The following POC5 variants were observed in gnomAD, a reference collection of about 807,000 sequenced individuals.
POC5 encodes the protein centrosomal protein POC5.
POC5 carries 48 observed loss-of-function variants against 62.9 expected under a neutral mutation model. The observed-to-expected ratio is 0.76, with a 90% CI of 0.61 to 0.97. The LOEUF is 0.97. Ranked by LOEUF, POC5 falls within the 50% of genes least tolerant of loss-of-function variation. The probability of loss-of-function intolerance (pLI) is 0.00; values close to 1 mark genes in which losing one functional copy is unlikely to be tolerated. For missense variants in POC5, 696 were observed against 679.5 expected, an observed-to-expected ratio of 1.02 and a Z score of -0.27; for synonymous variants, 236 against 228.2, an observed-to-expected ratio of 1.03 and a Z score of -0.31.
At chr5:75,714,592 G>A (rs1167641339) in intron 1 of POC5, among the ~76,000 whole-genome samples, 3 of 152,170 alleles carry the variant, frequency 2.0e-5, no homozygotes, top group African/African-American at 7.2e-5. Flanking sequence ...AGAACTGTTG[G>A]TGGCTTCCAG....
In POC5 at chr5:75,690,490, A is replaced by C. The variant is rs1442650452; in HGVS notation, c.868T>G (p.Ser290Ala). ...TCTTTCCACTGCTTTTGCACTACGG[A>C]ACGCCAGACTTTCCAGACTTTCTTC... ...LLKKVWKVWR[S>A]VVQKQWKDVV... The change falls in exon 8 of 12, where the codon TCC becomes GCC. Residue 290 changes from serine (S) to alanine (A), a missense_variant. Physicochemically the swap from Ser to Ala is moderately conservative, Grantham distance 99. Coordinates refer to ENST00000428202, the MANE Select transcript of POC5 (RefSeq NM_001099271.2). 1 of 1,608,654 alleles carries C rather than the reference A, an allele frequency of 6.2e-7. No homozygotes were observed. The highest frequency in any genetic ancestry group is 2.2e-5 in the East Asian group (1 of 44,838).
intron 9 of POC5, among the ~76,000 whole-genome samples, chr5:75,687,639 G>T (rs1179224729): frequency 6.6e-6 from 1 of 152,206 alleles, no homozygotes; most frequent in Non-Finnish European, 1.5e-5. Flanking sequence ...AGGAGACACA[G>T]TTGCATTTCA....
At chr5:75,708,843 T>C (rs541426153) in intron 2 of POC5, among the ~76,000 whole-genome samples, 31 of 152,158 alleles carry the variant, frequency 2.0e-4, no homozygotes, top group Admixed American at 4.6e-4. Context: ...TTTTTCTTCT[T>C]TTTTTTTGAG....
chr5:75,705,845 ATC>A, intron 3 of POC5, 58 bp from the exon 4 acceptor site: 1 of 1,053,736 alleles, frequency 9.5e-7, no homozygotes, highest in African/African-American at 1.6e-5. Context: ...AAAATGTCTA[ATC>A]ACACATAATT....
intron 5 of POC5, among the ~76,000 whole-genome samples, chr5:75,698,172 C>T (rs1247902413): frequency 1.5e-5 from 2 of 137,652 alleles, no homozygotes; most frequent in Non-Finnish European, 1.6e-5. Flanking sequence ...GACAGAAAGT[C>T]AACAAGGATA....
At chr5:75,677,532 A>C (rs1023719153) in intron 11 of POC5, 8 of 268,650 alleles carry the variant, frequency 3.0e-5, no homozygotes, top group African/African-American at 6.6e-5. Context: ...TAATTTTTAC[A>C]GTTTGGAAGA....
intron 5 of POC5, among the ~76,000 whole-genome samples, chr5:75,696,614 A>C (rs1776604290): frequency 6.6e-6 from 1 of 152,164 alleles, no homozygotes; most frequent in African/African-American, 2.4e-5. Context: ...TGGGGAAAAA[A>C]CAGAGCAGAA....
rs530314203 is a variant in POC5, at chr5:75,711,464, AAG to A, written c.84+1388_84+1389del. The stretch of plus-strand genomic sequence containing the variant: ...CTGGCTTATGAAGCATTCGCATAAA[AAG>A]AGAGTAACAAAAAAGTTCCTTAAGA... On this transcript the variant is annotated intron_variant, in intron 2 of 11. Transcript: ENST00000428202. Among the ~76,000 whole-genome samples the A allele has an allele frequency of 2.6e-3, 396 of 152,336 alleles. 3 individuals carry two copies. The highest frequency in any genetic ancestry group is 4.1e-3 in the Non-Finnish European group (280 of 68,028).
rs1054986221 is a variant in POC5 at position 75,717,300 on chromosome 5, A to T, written c.-15+6T>A. 2.6e-5 allele frequency: 4 copies of T among 152,114 alleles called. No individual in the cohort carries two copies. Among genetic ancestry groups the T allele is most frequent in the African/African-American group, 9.7e-5 (4 of 41,420 alleles). 9.4% of individuals were successfully genotyped at this position (152,114 alleles called of 1,614,324 possible). On this transcript the variant is annotated splice_donor_region_variant and intron_variant, in intron 1 of 11. Coordinates refer to ENST00000428202, the MANE Select transcript of POC5 (RefSeq NM_001099271.2). ...CGCAGGATCTGCCCGGAGCGCTGCTACCCACCGTCGCCGCTCGCGACCAAA... is the reference window on the plus strand; with the variant it reads ...CGCAGGATCTGCCCGGAGCGCTGCTTCCCACCGTCGCCGCTCGCGACCAAA...
chr5:75,701,271 G>T lies in POC5; in HGVS notation c.513+1334C>A, dbSNP rs1044911276. On this transcript the variant is annotated intron_variant, in intron 5 of 11. Coordinates refer to ENST00000428202, the MANE Select transcript of POC5 (RefSeq NM_001099271.2). ...TGCGGCTATAAAGACACATGCACAC[G>T]TATGTTTATTGCGGCATTATTCACA... 2.9e-5 allele frequency among the ~76,000 whole-genome samples: 4 copies of T among 136,624 alleles called. 1 individual carries two copies. The East Asian group carries it at 8.2e-4, about 28-fold the overall frequency. 89.6% of individuals were successfully genotyped at this position (136,624 alleles called of 152,430 possible).
At chr5:75,687,715 T>C (rs765371818) in intron 9 of POC5, among the ~76,000 whole-genome samples, 12 of 152,242 alleles carry the variant, frequency 7.9e-5, no homozygotes, top group Non-Finnish European at 1.6e-4. Context: ...CAAAATCTTT[T>C]TAAGTAGGTT....
intron 8 of POC5, 94 bp downstream of exon 8, chr5:75,690,289 T>C (rs1776272418): frequency 1.6e-6 from 2 of 1,213,064 alleles, no homozygotes; most frequent in Non-Finnish European, 2.2e-6. Flanking sequence ...CATTCTTGAT[T>C]AAAGACCAAA....
chr5:75,687,893 G>A (rs1466357972), intron 9 of POC5, among the ~76,000 whole-genome samples: 2 of 152,130 alleles, frequency 1.3e-5, no homozygotes, highest in African/African-American at 4.8e-5. Flanking sequence ...ATTGAAGGTG[G>A]TGAGTTTGTT....
intron 5 of POC5, among the ~76,000 whole-genome samples, chr5:75,698,183 C>T (rs1481813435): frequency 1.5e-5 from 2 of 137,174 alleles, no homozygotes; most frequent in African/African-American, 5.3e-5. Flanking sequence ...AACAAGGATA[C>T]CCAGGAATTG....
At chr5:75,701,362 C>CATAT (rs1474945327) in intron 5 of POC5, among the ~76,000 whole-genome samples, 1 of 124,526 alleles carries the variant, frequency 8.0e-6, no homozygotes, top group Non-Finnish European at 1.8e-5. Flanking sequence ...AAATGTGGCA[C>CATAT]ATATACACCA....
intron 11 of POC5, among the ~76,000 whole-genome samples, chr5:75,676,076 T>TA (rs1280160561): frequency 6.6e-6 from 1 of 152,194 alleles, no homozygotes; most frequent in Non-Finnish European, 1.5e-5. Context: ...GCATGGGAGA[T>TA]AAGTATCAGA....
chr5:75,690,617 G>T, intron 7 of POC5, 55 bp from the exon 8 acceptor site: 1 of 1,325,550 alleles, frequency 7.5e-7, no homozygotes, highest in South Asian at 1.4e-5. Flanking sequence ...AAATATATTG[G>T]TAGTAATAAT....
intron 7 of POC5, 150 bp from the exon 8 acceptor site, chr5:75,690,712 A>G (rs1776295678): frequency 2.7e-6 from 2 of 744,772 alleles, no homozygotes; most frequent in Non-Finnish European, 4.1e-6. Flanking sequence ...ATAGGAGAAC[A>G]GGCTTAGAGA....
At chr5:75,710,512 C>A (rs1777299117) in intron 2 of POC5, among the ~76,000 whole-genome samples, 1 of 152,136 alleles carries the variant, frequency 6.6e-6, no homozygotes, top group Non-Finnish European at 1.5e-5. Flanking sequence ...GAACCTTGTG[C>A]ATGCTCTCCT....
Sources: gnomAD v4.1 joint callset for allele counts (sites outside exome capture counted in the v4.1 genomes callset) on GRCh38, gnomAD v4.1.1 for gene constraint, MANE v1.5 for transcripts, NCBI Gene and HGNC (gene_info 2026-07-23, HGNC 2026-07-21) for gene names.